The following CTNND2 variants were observed in gnomAD, a reference collection of about 807,000 sequenced individuals.
CTNND2 encodes catenin delta-2.
A neutral mutation model predicts 144.4 loss-of-function variants in CTNND2; 22 were observed. The ratio of observed to expected loss-of-function variants is 0.15; its 90% CI spans 0.11 to 0.22. The LOEUF (loss-of-function observed/expected upper bound fraction) is 0.22, where lower values mean the gene tolerates loss of function less well. CTNND2 is among the 10% of genes least tolerant of loss of function. The probability of loss-of-function intolerance (pLI) is 1.00; values close to 1 mark genes in which losing one functional copy is unlikely to be tolerated. For synonymous variants in CTNND2, 751 were observed against 695.6 expected (o/e 1.08, Z -1.25); for missense variants, 1,353 against 1,618.8 (o/e 0.84, Z 2.82).
chr5:11,095,188 T>C (rs1427986421), intron 15 of CTNND2, among the ~76,000 whole-genome samples: 3 of 152,242 alleles, frequency 2.0e-5, no homozygotes, highest in Non-Finnish European at 2.9e-5. Context: ...GCAGCTGATC[T>C]GGTTGCCCCT....
intron 2 of CTNND2, among the ~76,000 whole-genome samples, chr5:11,572,438 T>C (rs1473705113): frequency 6.6e-6 from 1 of 152,198 alleles, no homozygotes; most frequent in Non-Finnish European, 1.5e-5. Context: ...GAAGTCCTTC[T>C]CTAGGCCTGG....
At chr5:11,513,958 T>TA (rs1376900083) in intron 3 of CTNND2, among the ~76,000 whole-genome samples, 2 of 152,256 alleles carry the variant, frequency 1.3e-5, no homozygotes, top group East Asian at 3.9e-4. Context: ...TTTATAATTT[T>TA]AAAAAATCTA....
chr5:11,600,388 T>C (rs1779721532), intron 2 of CTNND2, among the ~76,000 whole-genome samples: 1 of 152,180 alleles, frequency 6.6e-6, no homozygotes, highest in African/African-American at 2.4e-5. Context: ...TGAACAATTG[T>C]ACCAACATGT....
intron 1 of CTNND2, among the ~76,000 whole-genome samples, chr5:11,841,443 C>T (rs1202002084): frequency 7.2e-5 from 11 of 152,112 alleles, no homozygotes; most frequent in South Asian, 4.1e-4. Context: ...TTGATTAAGT[C>T]TGTAAAAAAT....
chr5:11,865,266 T>C (rs1795709486), intron 1 of CTNND2, among the ~76,000 whole-genome samples: 1 of 152,184 alleles, frequency 6.6e-6, no homozygotes, highest in African/African-American at 2.4e-5. Flanking sequence ...TTTACAAGCA[T>C]ATTCACAAAA....
At chr5:11,651,626 A>G (rs992164525) in intron 2 of CTNND2, among the ~76,000 whole-genome samples, 2 of 152,248 alleles carry the variant, frequency 1.3e-5, no homozygotes, top group Admixed American at 1.3e-4. Flanking sequence ...GTAACCTGCA[A>G]AGCCACAGGG....
chr5:10,973,223 G>T lies in CTNND2; in HGVS notation c.*230C>A. On this transcript the variant is annotated 3_prime_UTR_variant, in exon 22 of 22. Transcript: ENST00000304623. This position sits in a 1 kb window ranked among gnomAD's most constrained non-coding sequence, Gnocchi z 5.6. Reference sequence around the variant, plus strand: ...CTACAGCTCACGCTAGAAAGGTGCTGCCCACTGTCATATTTAGGATCACTT... The same window carrying T: ...CTACAGCTCACGCTAGAAAGGTGCTTCCCACTGTCATATTTAGGATCACTT... 1 of 489,982 alleles carries T rather than the reference G, an allele frequency of 2.0e-6. No individual in the cohort carries two copies. The highest frequency in any genetic ancestry group is 1.9e-5 in the African/African-American group (1 of 51,408). The allele number at this position is 489,982 out of a possible 1,614,324, so 30.4% of individuals were successfully genotyped here. A position where few individuals can be genotyped will look rare whatever the true frequency, so the allele number is the denominator to read the frequency against.
rs1488450841 is a variant in CTNND2, at chr5:10,972,789, T to C, written c.*664A>G. 6.6e-6 allele frequency: 1 copy of C among 152,484 alleles called. No homozygotes were observed. The highest frequency in any genetic ancestry group is 1.9e-4 in the East Asian group (1 of 5,202). 9.4% of individuals were successfully genotyped at this position (152,484 alleles called of 1,614,324 possible). On this transcript the variant is annotated 3_prime_UTR_variant, in exon 22 of 22. Coordinates refer to ENST00000304623, the MANE Select transcript of CTNND2 (RefSeq NM_001332.4). Reference sequence around the variant, plus strand: ...CCTTTTTTCCTGCTTTTTTTTTTTTTTGTTAAAACATACTGGGAGAAAGTA... The same window carrying C: ...CCTTTTTTCCTGCTTTTTTTTTTTTCTGTTAAAACATACTGGGAGAAAGTA...
intron 9 of CTNND2, among the ~76,000 whole-genome samples, chr5:11,282,231 AT>A (rs1747223394): frequency 6.6e-6 from 1 of 152,110 alleles, no homozygotes; most frequent in South Asian, 2.1e-4. Flanking sequence ...AAAAAAAGCA[AT>A]TCATGCTTCT....
chr5:11,825,883 G>C (rs547582595), intron 1 of CTNND2, among the ~76,000 whole-genome samples: 4 of 152,136 alleles, frequency 2.6e-5, no homozygotes, highest in African/African-American at 7.2e-5. Context: ...TCTATACCTA[G>C]TGGAAATAAA....
At chr5:11,301,791 GTT>G (rs1008639619) in intron 9 of CTNND2, among the ~76,000 whole-genome samples, 1 of 152,166 alleles carries the variant, frequency 6.6e-6, no homozygotes, top group Non-Finnish European at 1.5e-5. Flanking sequence ...CAGAAATTCT[GTT>G]CTTTTTTGCC....
chr5:11,116,201 G>A (rs1753525947), intron 13 of CTNND2, among the ~76,000 whole-genome samples: 1 of 152,166 alleles, frequency 6.6e-6, no homozygotes, highest in African/African-American at 2.4e-5. Flanking sequence ...GAGTCAGAAT[G>A]AAAACCATAG....
chr5:11,648,607 A>T (rs1782482508), intron 2 of CTNND2, among the ~76,000 whole-genome samples: 1 of 152,154 alleles, frequency 6.6e-6, no homozygotes, highest in Non-Finnish European at 1.5e-5. Context: ...CTATAAAGTT[A>T]CATTTTTTTC....
intron 3 of CTNND2, among the ~76,000 whole-genome samples, chr5:11,462,049 A>G (rs1035781025): frequency 2.0e-5 from 3 of 152,110 alleles, no homozygotes; most frequent in African/African-American, 7.2e-5. Context: ...GGTGGTGACC[A>G]GATCACAGTG....
chr5:11,481,204 T>A (rs1203729819), intron 3 of CTNND2, among the ~76,000 whole-genome samples: 2 of 152,154 alleles, frequency 1.3e-5, no homozygotes, highest in Non-Finnish European at 2.9e-5. Flanking sequence ...GATGCCTGTC[T>A]TTATTGAAAA....
chr5:11,117,616 G>T, intron 12 of CTNND2, 49 bp from the exon 13 acceptor site: 1 of 1,467,032 alleles, frequency 6.8e-7, no homozygotes, highest in Non-Finnish European at 9.6e-7. Context: ...GTCACCAAAA[G>T]AATGTCTTTC....
chr5:11,376,362 A>C (rs1009448139), intron 7 of CTNND2, among the ~76,000 whole-genome samples: 1 of 19,602 alleles, frequency 5.1e-5, no homozygotes, highest in African/African-American at 2.4e-4. Context: ...CTTATTCTAA[A>C]GAGAAATAAA....
At chr5:11,699,699 C>T (rs1263581435) in intron 2 of CTNND2, among the ~76,000 whole-genome samples, 1 of 152,186 alleles carries the variant, frequency 6.6e-6, no homozygotes, top group African/African-American at 2.4e-5. Flanking sequence ...TTCTTATTGC[C>T]ATCTCTTTAA....
intron 12 of CTNND2, among the ~76,000 whole-genome samples, chr5:11,142,020 A>G (rs1446859334): frequency 6.6e-6 from 1 of 151,812 alleles, no homozygotes; most frequent in Non-Finnish European, 1.5e-5. Flanking sequence ...TTGCCCTTCC[A>G]CCTTCTGCCC....
Sources: allele counts gnomAD v4.1 joint callset (sites outside exome capture counted in the v4.1 genomes callset), GRCh38; gene constraint gnomAD v4.1.1; non-coding constraint Gnocchi (gnomAD v3.1); transcripts MANE v1.5; gene names NCBI Gene and HGNC (gene_info 2026-07-23, HGNC 2026-07-21).